The following TBCE variants were observed in gnomAD, a reference collection of about 807,000 sequenced individuals.
TBCE encodes tubulin-specific chaperone E.
A neutral mutation model predicts 77.0 loss-of-function variants in TBCE; 53 were observed. That is an observed-to-expected ratio of 0.69 (90% confidence interval 0.55 to 0.87). The LOEUF is 0.87. TBCE is among the 40% of genes least tolerant of loss of function. The pLI, the probability that TBCE is intolerant of heterozygous loss-of-function variation, is 0.00. For synonymous variants in TBCE, 235 were observed against 241.3 expected, an observed-to-expected ratio of 0.97 and a Z score of 0.24; for missense variants, 624 against 622.4, an observed-to-expected ratio of 1.00 and a Z score of -0.03.
rs59405398 is a variant in TBCE at position 235,448,220 on chromosome 1, CA to C, written c.1400-109del. On this transcript the variant is annotated intron_variant, in intron 15 of 16. Transcript: ENST00000642610. ...CTTAAGTAAGTAAGTAAGTCAGTCT[CA>C]AAAAAAAAAAAAAAAAAAAGACAGA... is the stretch of plus-strand genomic sequence containing the variant. 88,798 of 506,400 alleles carry C rather than the reference CA, an allele frequency of 0.18. 46 individuals are homozygous for C. Among genetic ancestry groups the C allele is most frequent in the East Asian group, 0.22 (6,273 of 28,350 alleles). 31.4% of individuals were successfully genotyped at this position (506,400 alleles called of 1,614,324 possible). A position where few individuals can be genotyped will look rare whatever the true frequency, so the allele number is the denominator to read the frequency against.
intron 7 of TBCE, 120 bp from the exon 8 acceptor site, chr1:235,434,084 C>T (rs1046716373): frequency 3.8e-5 from 33 of 872,636 alleles, no homozygotes; most frequent in African/African-American, 1.6e-4. Context: ...ATGAACTGTC[C>T]GTGAGGCACT....
At chr1:235,411,058 T>C (rs973158376) in intron 3 of TBCE, among the ~76,000 whole-genome samples, 3 of 152,160 alleles carry the variant, frequency 2.0e-5, no homozygotes, top group Non-Finnish European at 4.4e-5. Context: ...AATTAGAAAG[T>C]TTTCCATGAA....
At chr1:235,381,312 T>C (rs1011177051) in intron 2 of TBCE, among the ~76,000 whole-genome samples, 1 of 152,122 alleles carries the variant, frequency 6.6e-6, no homozygotes, top group African/African-American at 2.4e-5. Flanking sequence ...TAGAATCTAA[T>C]GACAAATGCC....
At chr1:235,422,198 A>G (rs1023903233) in intron 5 of TBCE, among the ~76,000 whole-genome samples, 1 of 152,212 alleles carries the variant, frequency 6.6e-6, no homozygotes, top group Non-Finnish European at 1.5e-5. Context: ...TGCCTGGCCT[A>G]TTCCTAAACT....
chr1:235,386,441 A>C (rs1678008945), intron 2 of TBCE, among the ~76,000 whole-genome samples: 1 of 152,208 alleles, frequency 6.6e-6, no homozygotes, highest in Non-Finnish European at 1.5e-5. Context: ...TACACCAATC[A>C]GACGTAGATT....
intron 6 of TBCE, among the ~76,000 whole-genome samples, chr1:235,428,051 G>A (rs886859955): frequency 6.6e-6 from 1 of 151,194 alleles, no homozygotes; most frequent in Non-Finnish European, 1.5e-5. Flanking sequence ...AGGGCCAGGC[G>A]CAGTGGCTCA....
intron 15 of TBCE, among the ~76,000 whole-genome samples, chr1:235,448,005 T>C (rs1169709613): frequency 1.3e-5 from 2 of 152,042 alleles, no homozygotes; most frequent in African/African-American, 4.8e-5. Flanking sequence ...GGTCAGGAGT[T>C]CAAGACCAGC....
At chr1:235,438,408 C>T (rs1681602627) in intron 12 of TBCE, among the ~76,000 whole-genome samples, 1 of 152,056 alleles carries the variant, frequency 6.6e-6, no homozygotes, top group South Asian at 2.1e-4. Flanking sequence ...ATTAGCCAGG[C>T]ATTGTGGCAT....
At chr1:235,400,155 A>G (rs1679006728) in intron 2 of TBCE, among the ~76,000 whole-genome samples, 1 of 152,158 alleles carries the variant, frequency 6.6e-6, no homozygotes, top group African/African-American at 2.4e-5. Context: ...AGACCTTAGA[A>G]CATGCCATTT....
chr1:235,368,402 C>T (rs1007220292), intron 1 of TBCE, among the ~76,000 whole-genome samples: 3 of 150,582 alleles, frequency 2.0e-5, no homozygotes, highest in Admixed American at 6.7e-5. Context: ...TTTTCTCTGG[C>T]ATTAATTTAG....
chr1:235,442,409 A>G (rs968789917), intron 14 of TBCE, among the ~76,000 whole-genome samples: 2 of 152,196 alleles, frequency 1.3e-5, no homozygotes, highest in Non-Finnish European at 2.9e-5. Flanking sequence ...ACCTCAGGAG[A>G]TCCACCCGCC....
chr1:235,386,927 G>GT (rs996004490), intron 2 of TBCE, among the ~76,000 whole-genome samples: 2 of 152,106 alleles, frequency 1.3e-5, no homozygotes, highest in African/African-American at 2.4e-5. Flanking sequence ...CATCTTTGTG[G>GT]TTTTATCTAC....
chr1:235,433,958 C>CA, intron 7 of TBCE: 1 of 561,034 alleles, frequency 1.8e-6, no homozygotes, highest in Non-Finnish European at 3.2e-6. Context: ...CATGCATTGA[C>CA]ACGTACCTCC....
intron 5 of TBCE, among the ~76,000 whole-genome samples, chr1:235,423,116 T>C (rs76833475): frequency 3.3e-5 from 5 of 152,116 alleles, no homozygotes; most frequent in Non-Finnish European, 7.3e-5. Context: ...TTTTTTGGGT[T>C]GGTCTGTCTT....
intron 2 of TBCE, among the ~76,000 whole-genome samples, chr1:235,380,699 C>T (rs1026254163): frequency 8.6e-5 from 13 of 151,622 alleles, no homozygotes; most frequent in Non-Finnish European, 1.3e-4. Context: ...TTAATTGTTC[C>T]CCATTTTTGG....
In TBCE at chr1:235,436,939, T is replaced by A. The variant is rs1159894602; in HGVS notation, c.963+331T>A. 2.7e-5 allele frequency among the ~76,000 whole-genome samples: 4 copies of A among 148,056 alleles called. No homozygotes were observed. The East Asian group carries it at 7.9e-4, about 29-fold the overall frequency. The stretch of plus-strand genomic sequence containing the variant: ...TTCGAGACCAGCCTGACCAACATGG[T>A]GAAACCCCATCTCTACTAAAAAAAA... On this transcript the variant is annotated intron_variant, in intron 11 of 16. Transcript: ENST00000642610.
chr1:235,435,772 G>A lies in TBCE; in HGVS notation c.765G>A (p.Lys255=), dbSNP rs764892500. 21 of 1,613,990 alleles carry A rather than the reference G, an allele frequency of 1.3e-5. No individual in the cohort carries two copies. The Admixed American group carries it at 3.5e-4, about 27-fold the overall frequency. Residue 255 remains lysine (K), a synonymous_variant, in exon 9 of 17, where the codon AAG becomes AAA. Coordinates refer to ENST00000642610, the MANE Select transcript of TBCE (RefSeq NM_003193.5). The part of the protein sequence containing the change: ...ERPTDVLQTV[K]LLDLSSNQLI... ...CAACAGATGTTCTCCAGACAGTCAA[G>A]TTATTAGATCTTTCCTCTAATCAAT...
intron 7 of TBCE, among the ~76,000 whole-genome samples, chr1:235,431,868 C>T (rs1681117250): frequency 6.6e-6 from 1 of 151,068 alleles, no homozygotes; most frequent in Non-Finnish European, 1.5e-5. Context: ...GACAGAGTTT[C>T]TCCATGTTGG....
rs146662200 is a variant in TBCE, at chr1:235,380,589, A to G, written c.100+440A>G. Among the ~76,000 whole-genome samples, 836 of 152,056 alleles carry G rather than the reference A, an allele frequency of 5.5e-3. 8 individuals carry two copies. The highest frequency in any genetic ancestry group is 0.02 in the African/African-American group (812 of 41,490). On this transcript the variant is annotated intron_variant, in intron 2 of 16. Coordinates refer to ENST00000642610, the MANE Select transcript of TBCE (RefSeq NM_003193.5). ...TTTTTTTAAACTTATTTTTTGGTATAAATTTACCTATGTTTCTACAGCATT... is the reference window on the plus strand; with the variant it reads ...TTTTTTTAAACTTATTTTTTGGTATGAATTTACCTATGTTTCTACAGCATT...
Sources: gnomAD v4.1 joint callset for allele counts (sites outside exome capture counted in the v4.1 genomes callset) on GRCh38, gnomAD v4.1.1 for gene constraint, MANE v1.5 for transcripts, NCBI Gene and HGNC (gene_info 2026-07-23, HGNC 2026-07-21) for gene names.